Variants in NR2F6 observed in about 807,000 individuals in gnomAD.
NR2F6 encodes the protein nuclear receptor subfamily 2 group F member 6.
A neutral mutation model predicts 26.5 loss-of-function variants in NR2F6; 16 were observed. The observed-to-expected ratio is 0.60, with a 90% CI of 0.41 to 0.92. The LOEUF is 0.92. Ranked by LOEUF, NR2F6 falls within the 40% of genes least tolerant of loss-of-function variation. The pLI, the probability that NR2F6 is intolerant of heterozygous loss-of-function variation, is 0.00. For synonymous variants in NR2F6, 325 were observed against 305.0 expected, an observed-to-expected ratio of 1.07 and a Z score of -0.68; for missense variants, 536 against 631.7, an observed-to-expected ratio of 0.85 and a Z score of 1.62.
Position 17,242,742 on chromosome 19 carries a change from G to A in NR2F6, c.279-1977C>T, listed in dbSNP as rs2073476516. Among the ~76,000 whole-genome samples the A allele has an allele frequency of 2.6e-5, 4 of 152,230 alleles. No homozygotes were observed. The South Asian group carries it at 8.3e-4, about 31-fold the overall frequency. ...TGGGGCGGCCCTGCAGGCAGGCAGA[G>A]GCCCAGCTCAGGGGCCCCTGACCTC... On this transcript the variant is annotated intron_variant, in intron 1 of 3. Coordinates refer to ENST00000291442, the MANE Select transcript of NR2F6 (RefSeq NM_005234.4).
chr19:17,245,193 C>T lies in NR2F6; in HGVS notation c.28G>A (p.Gly10Ser). 1 of 1,376,942 alleles carries T rather than the reference C, an allele frequency of 7.3e-7. No homozygotes were observed. The highest frequency in any genetic ancestry group is 1.6e-5 in the South Asian group (1 of 61,164). The allele number at this position is 1,376,942 out of a possible 1,614,324, so 85.3% of individuals were successfully genotyped here. Residue 10 changes from glycine (G) to serine (S), a missense_variant, in exon 1 of 4, where the codon GGC (glycine) becomes AGC (serine). Gly to Ser is a moderately conservative substitution (Grantham distance 56). Transcript: ENST00000291442. This position sits in a 1 kb window ranked among gnomAD's most constrained non-coding sequence, Gnocchi z 5.0. MAMVTGGWG[G>S]PGGDTNGVDK... ...ACGCCGTTCGTGTCGCCGCCGGGGC[C>T]GCCCCAGCCGCCGGTCACCATGGCC...
At chr19:17,242,007 C>T (rs918916994) in intron 1 of NR2F6, among the ~76,000 whole-genome samples, 2 of 131,522 alleles carry the variant, frequency 1.5e-5, no homozygotes, top group African/African-American at 2.9e-5. Context: ...CAGAGTGAGA[C>T]TCTGTCTCAA....
chr19:17,232,224 T>TA lies in NR2F6; in HGVS notation c.*127dup, dbSNP rs1409636856. 1.6e-6 allele frequency: 2 copies of TA among 1,272,632 alleles called. No homozygotes were observed. The highest frequency in any genetic ancestry group is 2.2e-6 in the Non-Finnish European group (2 of 927,002). 78.8% of individuals were successfully genotyped at this position (1,272,632 alleles called of 1,614,324 possible). ...GAAAAGACAAACATTTCACAGTCTT[T>TA]AAAAAATAGAAGTCTGAGGAGAGAA... On this transcript the variant is annotated 3_prime_UTR_variant, in exon 4 of 4. Coordinates refer to ENST00000291442, the MANE Select transcript of NR2F6 (RefSeq NM_005234.4).
intron 1 of NR2F6, among the ~76,000 whole-genome samples, chr19:17,243,191 C>T (rs1339826217): frequency 6.6e-6 from 1 of 152,174 alleles, no homozygotes; most frequent in Non-Finnish European, 1.5e-5. Context: ...CTCCAGGCAG[C>T]CCTCTCTGAC....
chr19:17,235,998 C>CG lies in NR2F6; in HGVS notation c.440dup (p.Ser149LeufsTer29). 8.4e-6 allele frequency: 12 copies of CG among 1,432,986 alleles called. No homozygotes were observed. Among genetic ancestry groups the CG allele is most frequent in the Admixed American group, 5.3e-5 (2 of 37,388 alleles). 88.8% of individuals were successfully genotyped at this position (1,432,986 alleles called of 1,614,324 possible). A position where few individuals can be genotyped will look rare whatever the true frequency, so the allele number is the denominator to read the frequency against. Reference sequence around the variant, plus strand: ...TCGCCACTGCCGCCAGCGCCGAGCCCGGGGGGCTGCCCGAGGAGGCGGCCA... The same window carrying CG: ...TCGCCACTGCCGCCAGCGCCGAGCCCGGGGGGGCTGCCCGAGGAGGCGGCCA... On this transcript the variant is annotated frameshift_variant, in exon 3 of 4. Coordinates refer to ENST00000291442, the MANE Select transcript of NR2F6 (RefSeq NM_005234.4). LOFTEE classifies it high-confidence loss of function. The surrounding 1 kb of genome is among the most constrained non-coding windows in gnomAD (Gnocchi z 5.0).
chr19:17,233,999 C>T (rs1335574831), intron 3 of NR2F6, among the ~76,000 whole-genome samples: 1 of 151,756 alleles, frequency 6.6e-6, no homozygotes, highest in African/African-American at 2.4e-5. Flanking sequence ...CTGAGGCGGG[C>T]AGATCATGAG....
intron 3 of NR2F6, 100 bp from the exon 4 acceptor site, chr19:17,232,726 CAG>C (rs374146278): frequency 1.1e-4 from 159 of 1,393,802 alleles, no homozygotes; most frequent in South Asian, 8.6e-4. Context: ...TGGGTAAGAA[CAG>C]GGGGCCGGGC....
Position 17,232,157 on chromosome 19 carries a change from G to A in NR2F6, c.*195C>T. 3.8e-6 allele frequency: 3 copies of A among 787,036 alleles called. No homozygotes were observed. In the South Asian group the frequency reaches 5.6e-5, roughly 15 times the overall value. 48.8% of individuals were successfully genotyped at this position (787,036 alleles called of 1,614,324 possible). On this transcript the variant is annotated 3_prime_UTR_variant, in exon 4 of 4. Coordinates refer to ENST00000291442, the MANE Select transcript of NR2F6 (RefSeq NM_005234.4). ...CTGGGGAGGATGAGGCTGAGGCCTG[G>A]ATGATCAGTCTCTTTTTGGTTTCAT...
intron 1 of NR2F6, 35 bp downstream of exon 1, chr19:17,244,908 G>A (rs1259429499): frequency 1.3e-6 from 2 of 1,550,078 alleles, no homozygotes; most frequent in South Asian, 1.2e-5. Flanking sequence ...GTCGGGGCGG[G>A]GTGCACGGCG....
At position 17,245,764 on chromosome 19, in the gene NR2F6, C is replaced by T. The variant is rs1358308591; in HGVS notation, c.-544G>A. 2 of 145,688 alleles carry T rather than the reference C, an allele frequency of 1.4e-5. No individual in the cohort carries two copies. Among genetic ancestry groups the T allele is most frequent in the East Asian group, 2.0e-4 (1 of 5,046 alleles). The allele number at this position is 145,688 out of a possible 1,614,324, so 9.0% of individuals were successfully genotyped here. A position where few individuals can be genotyped will look rare whatever the true frequency, so the allele number is the denominator to read the frequency against. On this transcript the variant is annotated 5_prime_UTR_variant, in exon 1 of 4. Transcript: ENST00000291442. This position sits in a 1 kb window ranked among gnomAD's most constrained non-coding sequence, Gnocchi z 5.0. ...TCCCCCGGCGCCCGCGGCTGCCGCT[C>T]CGGGCCTGCAGGGCCGCTGGGCCGG...
At chr19:17,244,394 A>G (rs1448132213) in intron 1 of NR2F6, 1 of 149,648 alleles carries the variant, frequency 6.7e-6, no homozygotes, top group Non-Finnish European at 1.5e-5. Flanking sequence ...TCATGCGAAG[A>G]AGGCCGCCCC....
Position 17,235,967 on chromosome 19 carries a change from C to T in NR2F6, c.472G>A (p.Gly158Arg), listed in dbSNP as rs1229744998. The change falls in exon 3 of 4, where the codon GGA (glycine) becomes AGA (arginine). Residue 158 changes from glycine (G) to arginine (R), a missense_variant. Gly to Arg is a moderately radical substitution (Grantham distance 125). Transcript: ENST00000291442. This position sits in a 1 kb window ranked among gnomAD's most constrained non-coding sequence, Gnocchi z 5.0. ...GSALAAVASG[G>R]DLFPGQPVSE... ...ACCGGCTGCCCCGGGAAGAGGTCTC[C>T]GCCGCTCGCCACTGCCGCCAGCGCC... 9.5e-6 allele frequency: 14 copies of T among 1,472,548 alleles called. No homozygotes were observed. Among genetic ancestry groups the T allele is most frequent in the Admixed American group, 2.3e-5 (1 of 43,158 alleles). 91.2% of individuals were successfully genotyped at this position (1,472,548 alleles called of 1,614,324 possible).
chr19:17,241,126 A>G (rs775437686), intron 1 of NR2F6, among the ~76,000 whole-genome samples: 2 of 152,200 alleles, frequency 1.3e-5, no homozygotes, highest in Non-Finnish European at 2.9e-5. Flanking sequence ...ATGGAGGCCT[A>G]AAGAGTTTCA....
Position 17,240,593 on chromosome 19 carries a change from AG to A in NR2F6, c.373+77del. ...GGGAGGGGTGAAAGGGAGGGGAAAA[AG>A]GGGAGGAAGAAGCTGTTTGTTCACC... On this transcript the variant is annotated intron_variant, in intron 2 of 3. Coordinates refer to ENST00000291442, the MANE Select transcript of NR2F6 (RefSeq NM_005234.4). 4.8e-6 allele frequency: 7 copies of A among 1,462,772 alleles called. No individual in the cohort carries two copies. In the South Asian group the frequency reaches 8.0e-5, roughly 17 times the overall value. 90.6% of individuals were successfully genotyped at this position (1,462,772 alleles called of 1,614,324 possible). A position where few individuals can be genotyped will look rare whatever the true frequency, so the allele number is the denominator to read the frequency against.
At chr19:17,241,682 G>T (rs1443657925) in intron 1 of NR2F6, among the ~76,000 whole-genome samples, 1 of 152,222 alleles carries the variant, frequency 6.6e-6, no homozygotes, top group Admixed American at 6.5e-5. Flanking sequence ...GACACCCAGG[G>T]GACACACAGA....
At chr19:17,237,089 G>A (rs2073442923) in intron 2 of NR2F6, among the ~76,000 whole-genome samples, 1 of 152,222 alleles carries the variant, frequency 6.6e-6, no homozygotes. Context: ...TCAACTCTGT[G>A]TAGAGCAAAC....
Position 17,242,432 on chromosome 19 carries a change from G to A in NR2F6, c.279-1667C>T, listed in dbSNP as rs531597867. On this transcript the variant is annotated intron_variant, in intron 1 of 3. Transcript: ENST00000291442. ...TCGGTTTCCTCATCTGAAAATGGGA[G>A]GTCAGATATTGCCCTATCATATGGG... Among the ~76,000 whole-genome samples, 19 of 152,352 alleles carry A rather than the reference G, an allele frequency of 1.2e-4. No individual in the cohort carries two copies. In the East Asian group the frequency reaches 3.5e-3, roughly 28 times the overall value.
At chr19:17,242,839 G>C (rs537851689) in intron 1 of NR2F6, among the ~76,000 whole-genome samples, 27 of 152,292 alleles carry the variant, frequency 1.8e-4, no homozygotes, top group African/African-American at 6.0e-4. Flanking sequence ...CCTCCAAGGA[G>C]GGAAACAGTT....
chr19:17,233,341 A>T (rs2073418406), intron 3 of NR2F6, among the ~76,000 whole-genome samples: 1 of 151,502 alleles, frequency 6.6e-6, no homozygotes, highest in African/African-American at 2.4e-5. Flanking sequence ...AAAACAAAAC[A>T]AAACAAAAAA....
Sources: allele counts gnomAD v4.1 joint callset (sites outside exome capture counted in the v4.1 genomes callset), GRCh38; gene constraint gnomAD v4.1.1; non-coding constraint Gnocchi (gnomAD v3.1); transcripts MANE v1.5; gene names NCBI Gene and HGNC (gene_info 2026-07-23, HGNC 2026-07-21).